Variants in ADGRG4 observed in about 807,000 individuals in gnomAD.
ADGRG4 encodes the protein G protein-coupled receptor 112.
Under a neutral mutation model 126.2 loss-of-function variants are expected in ADGRG4, and 122 were observed. The ratio of observed to expected loss-of-function variants is 0.97; its 90% CI spans 0.83 to 1.12. The LOEUF (loss-of-function observed/expected upper bound fraction) is 1.12. Among genes scored for constraint, ADGRG4 ranks in the 50% most tolerant of loss-of-function variants. The pLI is 0.00. For missense variants in ADGRG4, 2,481 were observed against 2,251.8 expected (o/e 1.10, Z -2.06); for synonymous variants, 943 against 838.7 (o/e 1.12, Z -2.15).
At position 136,344,855 on chromosome X, in the gene ADGRG4, A is replaced by G. The variant is rs773588426; in HGVS notation, c.1149A>G (p.Ser383=). 6.6e-6 allele frequency: 8 copies of G among 1,208,575 alleles called. No individual in the cohort carries two copies. The African/African-American group carries it at 1.0e-4, about 16-fold the overall frequency. Residue 383 remains serine, a synonymous_variant, in exon 6 of 26, where the codon TCA becomes TCG. Transcript: ENST00000394143. ...CCACATCCAGATTTACCAAGAATTC[A>G]GTTGTATCTACAACTTCAGCAATTA... is the stretch of plus-strand genomic sequence containing the variant. ...FLSTSRFTKN[S]VVSTTSAIKS...
At position 136,347,590 on chromosome X, in the gene ADGRG4, A is replaced by G. The variant is rs1258272575; in HGVS notation, c.3884A>G (p.Glu1295Gly). 1.7e-6 allele frequency: 2 copies of G among 1,208,773 alleles called. No individual in the cohort carries two copies. Among genetic ancestry groups the G allele is most frequent in the Non-Finnish European group, 2.2e-6 (2 of 893,404 alleles). Residue 1295 changes from glutamate (E) to glycine (G), a missense_variant, in exon 6 of 26, where the codon GAA becomes GGA. By Grantham distance (98) the Glu-to-Gly change is moderately conservative. Transcript: ENST00000394143. ...TACTCCCGGGGTACTCCATCTTTGG[A>G]AATGACAGATACAGGATTTCCTGAG... is the stretch of plus-strand genomic sequence containing the variant. The part of the protein sequence containing the change: ...ISYSRGTPSL[E>G]MTDTGFPETT...
chrX:136,409,189 C>T (rs961758722), intron 23 of ADGRG4, among the ~76,000 whole-genome samples: 1 of 111,347 alleles, frequency 9.0e-6, no homozygotes, highest in African/African-American at 3.3e-5. Context: ...GGGATGGGGG[C>T]GACCTGTGGT....
intron 4 of ADGRG4, among the ~76,000 whole-genome samples, chrX:136,318,257 T>C (rs1305206173): frequency 8.9e-6 from 1 of 112,061 alleles, no homozygotes; most frequent in African/African-American, 3.2e-5. Flanking sequence ...ATGAACATTA[T>C]GCTAAATGAA....
Position 136,349,520 on chromosome X carries a change from A to T in ADGRG4, c.5814A>T (p.Ser1938=). 8.3e-7 allele frequency: 1 copy of T among 1,207,327 alleles called. No individual in the cohort carries two copies. Among genetic ancestry groups the T allele is most frequent in the South Asian group, 1.8e-5 (1 of 56,845 alleles). The change falls in exon 6 of 26, where the codon TCA becomes TCT. Residue 1938 remains serine (S), a synonymous_variant. Transcript: ENST00000394143. ...TATCTAAAGATGTCATGGCAATGTC[A>T]TCAATTCCTATGTCAGGAATTCTTC... is the stretch of plus-strand genomic sequence containing the variant. The part of the protein sequence containing the change: ...GLVSKDVMAM[S]SIPMSGILPN...
intron 4 of ADGRG4, among the ~76,000 whole-genome samples, chrX:136,315,297 C>T (rs897848726): frequency 7.3e-5 from 8 of 110,010 alleles, no homozygotes; most frequent in African/African-American, 2.7e-4. Flanking sequence ...AGTCATGGGG[C>T]TGCTAGACCA....
At chrX:136,321,893 A>G (rs772869519) in intron 4 of ADGRG4, among the ~76,000 whole-genome samples, 1 of 112,463 alleles carries the variant, frequency 8.9e-6, no homozygotes, top group East Asian at 2.8e-4. Flanking sequence ...AGAGGCTATT[A>G]TCTGGCATAG....
At chrX:136,381,495 T>G (rs1400891675) in intron 15 of ADGRG4, among the ~76,000 whole-genome samples, 1 of 111,463 alleles carries the variant, frequency 9.0e-6, no homozygotes, top group African/African-American at 3.3e-5. Context: ...TCTCAAAGTG[T>G]TGGGATTGCA....
Position 136,345,741 on chromosome X carries a change from A to T in ADGRG4, c.2035A>T (p.Asn679Tyr). ...NTTTILTFVP[N>Y]ENFTSAFHEN... is the part of the protein sequence containing the mutation. Reference sequence around the variant, plus strand: ...AACCACCATACTCACATTTGTGCCTAATGAAAATTTTACATCAGCATTTCA... The same window carrying T: ...AACCACCATACTCACATTTGTGCCTTATGAAAATTTTACATCAGCATTTCA... The change falls in exon 6 of 26, where the codon AAT becomes TAT. Residue 679 changes from asparagine to tyrosine, a missense_variant. Asn to Tyr is a moderately radical substitution (Grantham distance 143). Coordinates refer to ENST00000394143, the MANE Select transcript of ADGRG4 (RefSeq NM_153834.4). 1 of 1,211,174 alleles carries T rather than the reference A, an allele frequency of 8.3e-7. No individual in the cohort carries two copies.
chrX:136,320,162 A>G (rs2074831214), intron 4 of ADGRG4, among the ~76,000 whole-genome samples: 1 of 111,638 alleles, frequency 9.0e-6, no homozygotes, highest in East Asian at 2.8e-4. Context: ...AGAGGTAGCA[A>G]TTTTCCTAAA....
At chrX:136,308,941 G>T in intron 4 of ADGRG4, 94 bp downstream of exon 4, 1 of 558,169 alleles carries the variant, frequency 1.8e-6, no homozygotes, top group Non-Finnish European at 3.0e-6. Context: ...ATGGAGATTT[G>T]CTGGGCTGCC....
chrX:136,308,601 A>G (rs1047661409), intron 3 of ADGRG4, among the ~76,000 whole-genome samples, 168 bp from the exon 4 acceptor site: 4 of 112,195 alleles, frequency 3.6e-5, no homozygotes, highest in Non-Finnish European at 7.5e-5. Flanking sequence ...GGTTTCAGCC[A>G]GGCTGGGTAT....
chrX:136,325,577 A>G (rs1336447251), intron 5 of ADGRG4, among the ~76,000 whole-genome samples: 2 of 111,694 alleles, frequency 1.8e-5, no homozygotes, highest in Non-Finnish European at 3.8e-5. Context: ...CCATGTGCTC[A>G]GCAGTGGTGT....
intron 10 of ADGRG4, 53 bp from the exon 11 acceptor site, chrX:136,359,239 T>C (rs1442583534): frequency 2.9e-6 from 3 of 1,049,542 alleles, no homozygotes; most frequent in Non-Finnish European, 3.8e-6. Flanking sequence ...CAGGCCAAGT[T>C]GCACTCCCTT....
chrX:136,340,220 A>G (rs2074971558), intron 5 of ADGRG4, among the ~76,000 whole-genome samples: 1 of 111,933 alleles, frequency 8.9e-6, no homozygotes, highest in South Asian at 3.8e-4. Context: ...ATCAGCCTAC[A>G]TTATACAAAA....
At chrX:136,383,553 C>G (rs144822182) in intron 15 of ADGRG4, among the ~76,000 whole-genome samples, 2,179 of 111,759 alleles carry the variant, frequency 0.019, 45 homozygotes, top group African/African-American at 0.066. Flanking sequence ...AAGTGTACCT[C>G]TTGTAGATAG....
chrX:136,346,432 G>T lies in ADGRG4; in HGVS notation c.2726G>T (p.Ser909Ile). The T allele has an allele frequency of 3.3e-6, 4 of 1,211,269 alleles. No homozygotes were observed. Among genetic ancestry groups the T allele is most frequent in the Non-Finnish European group, 4.5e-6 (4 of 895,120 alleles). Residue 909 changes from serine to isoleucine, a missense_variant, in exon 6 of 26, where the codon AGT becomes ATT. Ser to Ile is a moderately radical substitution (Grantham distance 142). Coordinates refer to ENST00000394143, the MANE Select transcript of ADGRG4 (RefSeq NM_153834.4). ...NKTATTEVRE[S>I]WLLTKLVKTT... ...ACTGCAACAACTGAGGTGAGAGAAA[G>T]TTGGCTTTTGACAAAATTGGTGAAA...
chrX:136,400,077 A>G lies in ADGRG4; in HGVS notation c.8536A>G (p.Ile2846Val). The G allele has an allele frequency of 1.7e-6, 2 of 1,202,086 alleles. No homozygotes were observed. The change falls in exon 21 of 26, where the codon ATT becomes GTT. Residue 2846 changes from isoleucine to valine, a missense_variant. Physicochemically the swap from Ile to Val is conservative, Grantham distance 29. Coordinates refer to ENST00000394143, the MANE Select transcript of ADGRG4 (RefSeq NM_153834.4). ...LALVKVFNIY[I>V]PNYILKFCLV... Reference sequence around the variant, plus strand: ...TCTAGTCAAAGTCTTCAACATATACATTCCAAATTATATCCTTAAATTTTG... The same window carrying G: ...TCTAGTCAAAGTCTTCAACATATACGTTCCAAATTATATCCTTAAATTTTG...
intron 15 of ADGRG4, among the ~76,000 whole-genome samples, chrX:136,384,498 A>G (rs934274015): frequency 3.6e-5 from 4 of 111,734 alleles, no homozygotes; most frequent in African/African-American, 1.3e-4. Flanking sequence ...CTAGATATGT[A>G]TTATTTTTGG....
At position 136,347,361 on chromosome X, in the gene ADGRG4, T is replaced by G. The variant is rs2075025262; in HGVS notation, c.3655T>G (p.Ser1219Ala). 10 of 1,207,296 alleles carry G rather than the reference T, an allele frequency of 8.3e-6. No individual in the cohort carries two copies. The highest frequency in any genetic ancestry group is 1.1e-5 in the Non-Finnish European group (10 of 893,377). Residue 1219 changes from serine to alanine, a missense_variant, in exon 6 of 26, where the codon TCT (serine) becomes GCT (alanine). Coordinates refer to ENST00000394143, the MANE Select transcript of ADGRG4 (RefSeq NM_153834.4). ...VVDETTPSHISANKLTTSVNS... is the reference protein window; with the variant it reads ...VVDETTPSHIAANKLTTSVNS... Reference sequence around the variant, plus strand: ...TGATGAGACCACACCCTCACACATCTCTGCCAATAAGTTGACTACTTCAGT... The same window carrying G: ...TGATGAGACCACACCCTCACACATCGCTGCCAATAAGTTGACTACTTCAGT...
Sources: allele counts gnomAD v4.1 joint callset (sites outside exome capture counted in the v4.1 genomes callset), GRCh38; gene constraint gnomAD v4.1.1; transcripts MANE v1.5; gene names NCBI Gene and HGNC (gene_info 2026-07-23, HGNC 2026-07-21).